The following PAPPA2 variants were observed in gnomAD, a reference collection of about 807,000 sequenced individuals.
PAPPA2 encodes the protein pappalysin 2.
PAPPA2 carries 86 observed loss-of-function variants against 176.4 expected under a neutral mutation model. That is an observed-to-expected ratio of 0.49 (90% CI 0.41 to 0.58). The LOEUF is 0.58. Ranked by LOEUF, PAPPA2 falls within the 20% of genes least tolerant of loss-of-function variation. PAPPA2 has a pLI of 0.00. For synonymous variants in PAPPA2, 809 were observed against 852.2 expected (o/e 0.95, Z 0.88); for missense variants, 2,073 against 2,256.9 (o/e 0.92, Z 1.65).
At chr1:176,800,008 A>G in intron 20 of PAPPA2, 53 bp from the exon 21 acceptor site, 2 of 1,598,264 alleles carry the variant, frequency 1.3e-6, no homozygotes, top group Non-Finnish European at 1.7e-6. Context: ...CCCTTCTCAC[A>G]CACAACAAAT....
At chr1:176,483,106 A>T (rs1652479078) in intron 1 of PAPPA2, among the ~76,000 whole-genome samples, 1 of 152,162 alleles carries the variant, frequency 6.6e-6, no homozygotes. Context: ...GCCATTGGAC[A>T]TACTGGATCA....
intron 7 of PAPPA2, among the ~76,000 whole-genome samples, chr1:176,696,537 A>C (rs965879005): frequency 3.3e-5 from 5 of 152,176 alleles, no homozygotes; most frequent in Admixed American, 2.6e-4. Context: ...TCAAACAGTC[A>C]CACATTCACT....
chr1:176,679,129 G>T (rs1042308167), intron 4 of PAPPA2, among the ~76,000 whole-genome samples: 4 of 152,092 alleles, frequency 2.6e-5, no homozygotes, highest in Admixed American at 2.6e-4. Flanking sequence ...CATAAATTTT[G>T]ATTTTCTCAT....
chr1:176,585,589 T>C (rs1653257633), intron 2 of PAPPA2, among the ~76,000 whole-genome samples: 1 of 152,168 alleles, frequency 6.6e-6, no homozygotes, highest in Non-Finnish European at 1.5e-5. Flanking sequence ...CCTTTTCTCT[T>C]TTCTTCTCTT....
At chr1:176,828,056 T>A (rs1350594709) in intron 21 of PAPPA2, among the ~76,000 whole-genome samples, 1 of 151,972 alleles carries the variant, frequency 6.6e-6, no homozygotes, top group African/African-American at 2.4e-5. Flanking sequence ...GTGAGGCATA[T>A]CATTAATACA....
At chr1:176,678,707 G>A (rs1282404945) in intron 4 of PAPPA2, among the ~76,000 whole-genome samples, 2 of 151,752 alleles carry the variant, frequency 1.3e-5, no homozygotes, top group Admixed American at 6.6e-5. Flanking sequence ...AGTGATGTAG[G>A]CAGAATCAAT....
At chr1:176,831,981 T>C (rs1212681185) in intron 21 of PAPPA2, among the ~76,000 whole-genome samples, 1 of 152,148 alleles carries the variant, frequency 6.6e-6, no homozygotes, top group African/African-American at 2.4e-5. Context: ...TAAAAGTGAA[T>C]GGGGAAGGAG....
In PAPPA2 at chr1:176,654,822, T is replaced by C. The variant is rs115061398; in HGVS notation, c.1992-16148T>C. 4.9e-3 allele frequency among the ~76,000 whole-genome samples: 739 copies of C among 151,894 alleles called. 12 individuals carry two copies. Among genetic ancestry groups the C allele is most frequent in the African/African-American group, 0.016 (671 of 41,504 alleles). On this transcript the variant is annotated intron_variant, in intron 3 of 22. Coordinates refer to ENST00000367662, the MANE Select transcript of PAPPA2 (RefSeq NM_020318.3). The stretch of plus-strand genomic sequence containing the variant: ...GCTAAGTGTATTTCTAGGCTTTTAT[T>C]TTCATAGCTATTGTCATTGGGATTG...
intron 3 of PAPPA2, among the ~76,000 whole-genome samples, chr1:176,634,962 GATAA>G (rs1205660193): frequency 1.2e-4 from 13 of 104,836 alleles, no homozygotes; most frequent in East Asian, 3.1e-4. Flanking sequence ...TAGATAGATA[GATAA>G]ATAGATAGAT....
chr1:176,779,214 C>T (rs1412331673), intron 17 of PAPPA2, among the ~76,000 whole-genome samples: 2 of 152,054 alleles, frequency 1.3e-5, no homozygotes, highest in South Asian at 2.1e-4. Flanking sequence ...ACCAGTAGGA[C>T]TTTATTCAAC....
intron 2 of PAPPA2, among the ~76,000 whole-genome samples, chr1:176,590,854 A>T (rs1211836765): frequency 6.6e-6 from 1 of 152,138 alleles, no homozygotes; most frequent in African/African-American, 2.4e-5. Context: ...GCTCAAAATA[A>T]TGATATCTTG....
At chr1:176,527,212 A>T (rs375294664) in intron 1 of PAPPA2, among the ~76,000 whole-genome samples, 2 of 152,244 alleles carry the variant, frequency 1.3e-5, no homozygotes, top group African/African-American at 4.8e-5. Context: ...GTAGCTTCAA[A>T]TAGCAAGTCC....
chr1:176,465,511 C>A (rs546908533), intron 1 of PAPPA2, among the ~76,000 whole-genome samples: 21 of 152,276 alleles, frequency 1.4e-4, no homozygotes, highest in African/African-American at 5.1e-4. Flanking sequence ...ACATATATCA[C>A]CTGTTTTTTC....
At chr1:176,507,983 C>G (rs1309405999) in intron 1 of PAPPA2, among the ~76,000 whole-genome samples, 1 of 152,010 alleles carries the variant, frequency 6.6e-6, no homozygotes, top group Non-Finnish European at 1.5e-5. Flanking sequence ...GAAAAACAAA[C>G]TAAAAACCCC....
At chr1:176,841,002 A>G (rs1056756829) in intron 22 of PAPPA2, among the ~76,000 whole-genome samples, 1 of 152,226 alleles carries the variant, frequency 6.6e-6, no homozygotes, top group African/African-American at 2.4e-5. Flanking sequence ...AGGCTTGAAT[A>G]CTACATCTCT....
intron 1 of PAPPA2, among the ~76,000 whole-genome samples, chr1:176,519,840 G>A (rs554648215): frequency 6.6e-6 from 1 of 152,202 alleles, no homozygotes; most frequent in Non-Finnish European, 1.5e-5. Context: ...TTGGTAGTTG[G>A]CTGGGAGCTA....
At chr1:176,634,799 GAGATAGATAGATAGATAGATAGAT>G (rs11277807) in intron 3 of PAPPA2, among the ~76,000 whole-genome samples, 7 of 120,176 alleles carry the variant, frequency 5.8e-5, no homozygotes, top group Admixed American at 1.6e-4. Context: ...TCCAAGGAGA[GAGATAGATAGATAGATAGATAGAT>G]AGATAGATAG....
intron 15 of PAPPA2, among the ~76,000 whole-genome samples, chr1:176,767,359 A>T (rs984677066): frequency 1.7e-4 from 26 of 152,140 alleles, no homozygotes; most frequent in Non-Finnish European, 2.9e-5. Context: ...TTTTTTTTTG[A>T]GACGGAGTCT....
At chr1:176,833,684 T>G (rs1667162048) in intron 21 of PAPPA2, among the ~76,000 whole-genome samples, 1 of 152,210 alleles carries the variant, frequency 6.6e-6, no homozygotes, top group Non-Finnish European at 1.5e-5. Flanking sequence ...ACATAGTATA[T>G]TCTACTGCCT....
Sources: allele counts gnomAD v4.1 joint callset (sites outside exome capture counted in the v4.1 genomes callset), GRCh38; gene constraint gnomAD v4.1.1; transcripts MANE v1.5; gene names NCBI Gene and HGNC (gene_info 2026-07-23, HGNC 2026-07-21).